The following TNFSF4 variants were observed in gnomAD, a reference collection of about 807,000 sequenced individuals.
TNFSF4 encodes TNF superfamily member 4.
Under a neutral mutation model 7.3 loss-of-function variants are expected in TNFSF4, and 4 were observed. The observed-to-expected ratio is 0.55, with a 90% CI of 0.27 to 1.25. The LOEUF (loss-of-function observed/expected upper bound fraction) is 1.25. Ranked by LOEUF, TNFSF4 falls within the 50% of genes most tolerant of loss-of-function variation. The pLI is 0.12. For missense variants in TNFSF4, 181 were observed against 208.8 expected (o/e 0.87, Z 0.82); for synonymous variants, 76 against 83.7 (o/e 0.91, Z 0.50).
At chr1:173,191,524 C>T (rs1315053325) in intron 1 of TNFSF4, among the ~76,000 whole-genome samples, 3 of 152,132 alleles carry the variant, frequency 2.0e-5, no homozygotes, top group Admixed American at 2.0e-4. Context: ...CCCACAGTGC[C>T]CAAGTCAAAG....
chr1:173,225,455 T>C, the TNFSF4 span, among the ~76,000 whole-genome samples: 1 of 152,218 alleles, frequency 6.6e-6, no homozygotes, highest in Admixed American at 6.5e-5. Flanking sequence ...TCTCTACACG[T>C]GTGTATGCTT....
At chr1:173,403,901 C>CA in the TNFSF4 span, among the ~76,000 whole-genome samples, 229 of 140,814 alleles carry the variant, frequency 1.6e-3, no homozygotes, top group African/African-American at 4.9e-3. Flanking sequence ...GACTGTGTCT[C>CA]AAAAAAAAAA....
chr1:173,183,853 C>G lies in TNFSF4; in HGVS notation c.*2663G>C, dbSNP rs1258566292. On this transcript the variant is annotated 3_prime_UTR_variant, in exon 3 of 3. Transcript: ENST00000281834. ...GAAAGCACTAAATACAAAATTATGA[C>G]TTAAAATAGGGGACCTGCCCAGTAT... 1 of 152,064 alleles carries G rather than the reference C, an allele frequency of 6.6e-6. No homozygotes were observed. Among genetic ancestry groups the G allele is most frequent in the Non-Finnish European group, 1.5e-5 (1 of 68,016 alleles). 9.4% of individuals were successfully genotyped at this position (152,064 alleles called of 1,614,324 possible).
At chr1:173,442,093 T>C in the TNFSF4 span, 4 of 152,254 alleles carry the variant, frequency 2.6e-5, no homozygotes, top group African/African-American at 9.7e-5. Context: ...GTTTAATAAC[T>C]GGATCTGGGT....
At chr1:173,393,144 T>C in the TNFSF4 span, among the ~76,000 whole-genome samples, 1 of 152,098 alleles carries the variant, frequency 6.6e-6, no homozygotes, top group South Asian at 2.1e-4. Flanking sequence ...ACCAAGCTCC[T>C]AAAATGTGTG....
the TNFSF4 span, among the ~76,000 whole-genome samples, chr1:173,433,738 C>T: frequency 6.6e-6 from 1 of 152,002 alleles, no homozygotes; most frequent in Non-Finnish European, 1.5e-5. Flanking sequence ...ACTCAACTTT[C>T]GATCCACCAC....
chr1:173,409,490 T>C, the TNFSF4 span, among the ~76,000 whole-genome samples: 2,728 of 152,316 alleles, frequency 0.018, 45 homozygotes, highest in Non-Finnish European at 0.024. Flanking sequence ...CATGCAATAA[T>C]TTCCTCTCCA....
At chr1:173,362,191 TAAAG>T in the TNFSF4 span, among the ~76,000 whole-genome samples, 12 of 152,360 alleles carry the variant, frequency 7.9e-5, no homozygotes, top group Middle Eastern at 3.4e-3. Context: ...GAGTTTATAA[TAAAG>T]AAAGCCTTGG....
chr1:173,321,251 G>A, the TNFSF4 span, among the ~76,000 whole-genome samples: 3 of 152,196 alleles, frequency 2.0e-5, no homozygotes, highest in Non-Finnish European at 4.4e-5. Context: ...TTAATAAATG[G>A]TGTTGGGAAA....
the TNFSF4 span, among the ~76,000 whole-genome samples, chr1:173,242,693 T>C: frequency 6.6e-6 from 1 of 151,750 alleles, no homozygotes; most frequent in African/African-American, 2.4e-5. Flanking sequence ...AATGGGCAAA[T>C]AGTCAGAGAG....
chr1:173,183,176 G>A (rs2101976293), downstream of TNFSF4, among the ~76,000 whole-genome samples: 1 of 152,222 alleles, frequency 6.6e-6, no homozygotes, highest in Non-Finnish European at 1.5e-5. Flanking sequence ...AAGTACACCA[G>A]CATTAAAGGG....
the TNFSF4 span, among the ~76,000 whole-genome samples, chr1:173,262,155 G>T: frequency 1.3e-5 from 2 of 152,130 alleles, no homozygotes; most frequent in Non-Finnish European, 2.9e-5. Context: ...CTTCATCCCT[G>T]GGATACAAGG....
At chr1:173,442,340 A>C in the TNFSF4 span, among the ~76,000 whole-genome samples, 1 of 152,050 alleles carries the variant, frequency 6.6e-6, no homozygotes, top group Non-Finnish European at 1.5e-5. Flanking sequence ...GTTCAAGAGT[A>C]TCCAAGTGAT....
chr1:173,222,970 C>T, the TNFSF4 span, among the ~76,000 whole-genome samples: 2 of 152,176 alleles, frequency 1.3e-5, no homozygotes, highest in African/African-American at 2.4e-5. Context: ...CAGGGCTACA[C>T]CTCTGGGTGG....
the TNFSF4 span, among the ~76,000 whole-genome samples, chr1:173,396,302 G>C: frequency 9.2e-5 from 14 of 152,264 alleles, no homozygotes; most frequent in East Asian, 2.7e-3. Context: ...TTGAGCCCAG[G>C]AATGCGAGAC....
chr1:173,199,313 T>C (rs1649843100), intron 1 of TNFSF4, among the ~76,000 whole-genome samples: 1 of 152,218 alleles, frequency 6.6e-6, no homozygotes, highest in South Asian at 2.1e-4. Flanking sequence ...TTCATGTCCA[T>C]GTGGAACCTC....
chr1:173,207,432 CT>C (rs553935126), upstream of TNFSF4: 11,285 of 283,984 alleles, frequency 0.04, no homozygotes, highest in Middle Eastern at 0.066. Flanking sequence ...TACTTTCTTT[CT>C]TTTTTTTTTT....
At chr1:173,400,095 A>G in the TNFSF4 span, among the ~76,000 whole-genome samples, 1 of 152,214 alleles carries the variant, frequency 6.6e-6, no homozygotes, top group African/African-American at 2.4e-5. Context: ...AGAATGACTT[A>G]TCCACTGTCA....
the TNFSF4 span, among the ~76,000 whole-genome samples, chr1:173,217,159 G>A: frequency 6.6e-6 from 1 of 152,146 alleles, no homozygotes; most frequent in Non-Finnish European, 1.5e-5. Flanking sequence ...ATGCATGTAT[G>A]TGCTTGTCTC....
Sources: allele counts gnomAD v4.1 joint callset (sites outside exome capture counted in the v4.1 genomes callset), GRCh38; gene constraint gnomAD v4.1.1; transcripts MANE v1.5; gene names NCBI Gene and HGNC (gene_info 2026-07-23, HGNC 2026-07-21).